TENM2: variants seen among roughly 807,000 people sequenced by gnomAD.
TENM2 encodes the protein teneurin transmembrane protein 2, also known as teneurin-2.
TENM2 carries 52 observed loss-of-function variants against 245.2 expected under a neutral mutation model. The observed-to-expected ratio is 0.21, with a 90% CI of 0.17 to 0.27. The LOEUF (loss-of-function observed/expected upper bound fraction) is 0.27, where lower values mean the gene tolerates loss of function less well. TENM2 is among the 10% of genes least tolerant of loss of function. The probability of loss-of-function intolerance (pLI) is 1.00; values close to 1 mark genes in which losing one functional copy is unlikely to be tolerated. For synonymous variants in TENM2, 1,363 were observed against 1,438.9 expected (o/e 0.95, Z 1.19); for missense variants, 3,046 against 3,666.8 (o/e 0.83, Z 4.37).
intron 5 of TENM2, among the ~76,000 whole-genome samples, chr5:168,001,456 G>A (rs550088826): frequency 3.3e-5 from 5 of 152,192 alleles, no homozygotes; most frequent in East Asian, 3.8e-4. Flanking sequence ...AAGTCTGTTG[G>A]CTATTTCTCT....
At chr5:167,648,133 T>C (rs1582645705) in intron 2 of TENM2, among the ~76,000 whole-genome samples, 1 of 152,192 alleles carries the variant, frequency 6.6e-6, no homozygotes, top group East Asian at 1.9e-4. Context: ...TTGAATGTCA[T>C]ATTAAAATGC....
exon 4 of TENM2, chr5:167,952,732 C>T: frequency 6.3e-7 from 1 of 1,598,820 alleles, no homozygotes; most frequent in Non-Finnish European, 8.5e-7. Context: ...CACGCCCCGG[C>T]CCCAGCGCCC....
chr5:167,882,819 G>A (rs1773985471), intron 3 of TENM2, among the ~76,000 whole-genome samples: 1 of 152,136 alleles, frequency 6.6e-6, no homozygotes, highest in Non-Finnish European at 1.5e-5. Context: ...ATGAGATTTT[G>A]AGTGGGAACA....
At chr5:167,146,017 G>A in the TENM2 span, among the ~76,000 whole-genome samples, 4 of 152,100 alleles carry the variant, frequency 2.6e-5, no homozygotes, top group South Asian at 2.1e-4. Context: ...TTCGTTTATC[G>A]GACTGCTTTA....
At chr5:167,001,190 A>G in the TENM2 span, among the ~76,000 whole-genome samples, 3 of 152,152 alleles carry the variant, frequency 2.0e-5, no homozygotes, top group African/African-American at 7.2e-5. Flanking sequence ...ATAGGTGTAC[A>G]TTGGCAATGG....
the TENM2 span, among the ~76,000 whole-genome samples, chr5:167,119,254 C>T: frequency 1.3e-5 from 2 of 152,192 alleles, no homozygotes; most frequent in African/African-American, 4.8e-5. Context: ...CACATTTAAA[C>T]TTCAGGCTGA....
At chr5:167,270,535 C>T in the TENM2 span, among the ~76,000 whole-genome samples, 1 of 152,232 alleles carries the variant, frequency 6.6e-6, no homozygotes, top group South Asian at 2.1e-4. Context: ...TGATCTCTCT[C>T]TCCTGTATCC....
chr5:166,979,657 G>A, the TENM2 span, among the ~76,000 whole-genome samples: 3 of 151,926 alleles, frequency 2.0e-5, no homozygotes, highest in South Asian at 4.2e-4. Context: ...CTCTCCTTGC[G>A]TTTGTGCAGT....
At chr5:167,732,258 A>G (rs1385564600) in intron 2 of TENM2, among the ~76,000 whole-genome samples, 2 of 152,146 alleles carry the variant, frequency 1.3e-5, no homozygotes, top group Non-Finnish European at 2.9e-5. Flanking sequence ...TCACTAGGCC[A>G]TTACTGTGTT....
chr5:168,215,049 A>C, exon 21 of TENM2: 7 of 1,613,788 alleles, frequency 4.3e-6, no homozygotes, highest in Non-Finnish European at 5.1e-6. Flanking sequence ...GCAACAACCC[A>C]GCACACAAGT....
At chr5:167,662,664 A>G (rs143936086) in intron 2 of TENM2, among the ~76,000 whole-genome samples, 44 of 152,300 alleles carry the variant, frequency 2.9e-4, no homozygotes, top group African/African-American at 9.1e-4. Context: ...ATTTGTTTTT[A>G]TTTACCCACA....
intron 6 of TENM2, among the ~76,000 whole-genome samples, chr5:168,053,319 G>C (rs1408391524): frequency 6.6e-6 from 1 of 152,108 alleles, no homozygotes; most frequent in East Asian, 1.9e-4. Context: ...CATAGTTTCT[G>C]TTGTACATAG....
chr5:168,012,423 G>A (rs1041188966), intron 5 of TENM2, among the ~76,000 whole-genome samples: 2 of 152,050 alleles, frequency 1.3e-5, no homozygotes, highest in African/African-American at 2.4e-5. Flanking sequence ...TGAGAAGCTT[G>A]CTTGAGCCCA....
intron 1 of TENM2, among the ~76,000 whole-genome samples, chr5:167,356,907 T>A (rs1759370088): frequency 6.6e-6 from 1 of 151,752 alleles, no homozygotes; most frequent in Non-Finnish European, 1.5e-5. Context: ...TGCTTTTGTA[T>A]ATTAAAACAT....
intron 2 of TENM2, among the ~76,000 whole-genome samples, chr5:167,737,687 C>T (rs183021691): frequency 2.5e-4 from 38 of 152,292 alleles, no homozygotes; most frequent in African/African-American, 7.9e-4. Flanking sequence ...TCTGCAGTCA[C>T]GGCTACAGGA....
intron 2 of TENM2, among the ~76,000 whole-genome samples, chr5:167,563,556 C>A (rs1773725130): frequency 1.3e-5 from 2 of 152,010 alleles, no homozygotes; most frequent in African/African-American, 4.8e-5. Context: ...AAATATAGAA[C>A]CCAATCTGTA....
In TENM2 at chr5:168,156,002, G is replaced by GTTC. The variant is rs562967173; in HGVS notation, c.2423-6604_2423-6602dup. Among the ~76,000 whole-genome samples, 277 of 149,804 alleles carry GTTC rather than the reference G, an allele frequency of 1.8e-3. 3 individuals carry two copies. Among genetic ancestry groups the GTTC allele is most frequent in the African/African-American group, 6.6e-3 (270 of 40,742 alleles). On this transcript the variant is annotated intron_variant, in intron 12 of 28. Transcript: ENST00000518659. Reference sequence around the variant, plus strand: ...CTTGAATGTCTGTTACGTGCCAACCGTTCTTCTAGACCCTGAGAATATCTC... The same window carrying GTTC: ...CTTGAATGTCTGTTACGTGCCAACCGTTCTTCTTCTAGACCCTGAGAATATCTC...
chr5:167,573,152 TATG>T (rs1009777527), intron 2 of TENM2, among the ~76,000 whole-genome samples: 6 of 152,170 alleles, frequency 3.9e-5, no homozygotes, highest in African/African-American at 1.4e-4. Context: ...TGTCAGCAGT[TATG>T]ATAAGTAGAG....
intron 2 of TENM2, among the ~76,000 whole-genome samples, chr5:167,580,691 A>G (rs1775027644): frequency 6.6e-6 from 1 of 152,330 alleles, no homozygotes; most frequent in African/African-American, 2.4e-5. Context: ...GAATATTACT[A>G]CAGAATCAAA....
Sources: allele counts gnomAD v4.1 joint callset (sites outside exome capture counted in the v4.1 genomes callset), GRCh38; gene constraint gnomAD v4.1.1; transcripts MANE v1.5; gene names NCBI Gene and HGNC (gene_info 2026-07-23, HGNC 2026-07-21).